AK8: variants seen among roughly 807,000 people sequenced by gnomAD.
The protein encoded by AK8 is adenylate kinase 8, also known as ATP-AMP transphosphorylase 8.
AK8 carries 44 observed loss-of-function variants against 54.6 expected under a neutral mutation model. That is an observed-to-expected ratio of 0.81 (90% confidence interval 0.63 to 1.04). The LOEUF is 1.04. Among genes scored for constraint, AK8 ranks in the 50% least tolerant of loss-of-function variants. AK8 has a pLI of 0.00. For missense variants in AK8, 555 were observed against 613.6 expected (o/e 0.90, Z 1.01); for synonymous variants, 239 against 245.6 (o/e 0.97, Z 0.25).
At chr9:132,738,156 T>A (rs1837205283) in intron 11 of AK8, among the ~76,000 whole-genome samples, 1 of 151,822 alleles carries the variant, frequency 6.6e-6, no homozygotes, top group South Asian at 2.1e-4. Context: ...CGGGTTCAAG[T>A]GATTCTCCTG....
At position 132,831,582 on chromosome 9, in the gene AK8, C is replaced by T. The variant is rs937518903; in HGVS notation, c.403-2856G>A. 6.6e-5 allele frequency among the ~76,000 whole-genome samples: 10 copies of T among 152,158 alleles called. No homozygotes were observed. In the East Asian group the frequency reaches 7.7e-4, roughly 12 times the overall value. ...GCGGGGTCAGGCAACTGGGAGTCAA[C>T]GCTGGGAGCCCCCGCTTGCTGTAGA... On this transcript the variant is annotated intron_variant, in intron 5 of 12. Coordinates refer to ENST00000298545, the MANE Select transcript of AK8 (RefSeq NM_152572.3).
chr9:132,755,298 G>T (rs1250842148), intron 11 of AK8, among the ~76,000 whole-genome samples: 1 of 152,180 alleles, frequency 6.6e-6, no homozygotes, highest in Non-Finnish European at 1.5e-5. Flanking sequence ...TATCTCCCAG[G>T]TGCCAGGTGC....
In AK8 at chr9:132,796,724, A is replaced by T. The variant is rs1056053039; in HGVS notation, c.980-3949T>A. Among the ~76,000 whole-genome samples the T allele has an allele frequency of 1.3e-5, 2 of 152,206 alleles. 1 individual carries two copies. Among genetic ancestry groups the T allele is most frequent in the South Asian group, 4.1e-4 (2 of 4,824 alleles). ...CTTGTATACATGGTCTAATTTAAAC[A>T]TATATTCATATGTGACTATATTAAT... On this transcript the variant is annotated intron_variant, in intron 10 of 12. Transcript: ENST00000298545.
chr9:132,783,775 G>A (rs1839576432), intron 11 of AK8, among the ~76,000 whole-genome samples: 1 of 151,546 alleles, frequency 6.6e-6, no homozygotes. Context: ...ACAAAATGAA[G>A]GAAAAATGCC....
chr9:132,752,395 G>A (rs763919153), intron 11 of AK8, among the ~76,000 whole-genome samples: 3 of 151,650 alleles, frequency 2.0e-5, no homozygotes, highest in Non-Finnish European at 2.9e-5. Flanking sequence ...GACTATAGGC[G>A]CCCGCCACCA....
intron 5 of AK8, among the ~76,000 whole-genome samples, chr9:132,834,659 A>T (rs1392342549): frequency 6.6e-6 from 1 of 152,146 alleles, no homozygotes. Context: ...CCTAACAGTG[A>T]TTATGCTCTT....
intron 11 of AK8, among the ~76,000 whole-genome samples, chr9:132,745,431 C>T (rs915184014): frequency 1.4e-4 from 21 of 152,200 alleles, no homozygotes; most frequent in East Asian, 3.9e-4. Context: ...GCGTCCGTGT[C>T]GCGGCTGTAA....
At chr9:132,805,355 C>T (rs896885474) in intron 10 of AK8, among the ~76,000 whole-genome samples, 2 of 152,354 alleles carry the variant, frequency 1.3e-5, no homozygotes, top group Middle Eastern at 3.4e-3. Flanking sequence ...GAAAATCTGG[C>T]TGTGCCCCTA....
In AK8 at chr9:132,826,245, A is replaced by C. The variant is rs928627555; in HGVS notation, c.757+609T>G. Among the ~76,000 whole-genome samples the C allele has an allele frequency of 1.1e-4, 17 of 152,326 alleles. No homozygotes were observed. Among genetic ancestry groups the C allele is most frequent in the East Asian group, 3.9e-4 (2 of 5,176 alleles). On this transcript the variant is annotated intron_variant, in intron 8 of 12. Coordinates refer to ENST00000298545, the MANE Select transcript of AK8 (RefSeq NM_152572.3). This position sits in a 1 kb window ranked among gnomAD's most constrained non-coding sequence, Gnocchi z 4.5. ...TTAGGAGAAGTGCCAGAGGCTGCAC[A>C]GCTGGGCTGCGTCGGGGCTGAGATT... is the stretch of plus-strand genomic sequence containing the variant.
At chr9:132,751,494 G>A (rs947787917) in intron 11 of AK8, among the ~76,000 whole-genome samples, 6 of 149,632 alleles carry the variant, frequency 4.0e-5, no homozygotes, top group Admixed American at 6.7e-5. Context: ...GCAGTGAGCC[G>A]AGATCATGCC....
chr9:132,734,579 T>G (rs1200879600), intron 11 of AK8, among the ~76,000 whole-genome samples: 1 of 151,564 alleles, frequency 6.6e-6, no homozygotes, highest in African/African-American at 2.4e-5. Flanking sequence ...CTACAAAAAG[T>G]TTTTAAAAAT....
intron 5 of AK8, among the ~76,000 whole-genome samples, chr9:132,854,585 G>A (rs998529403): frequency 3.3e-5 from 5 of 152,354 alleles, no homozygotes; most frequent in South Asian, 2.1e-4. Context: ...ATGCTTCTGC[G>A]ATTGTCCTGT....
At chr9:132,752,525 A>G (rs557355982) in intron 11 of AK8, among the ~76,000 whole-genome samples, 30 of 152,320 alleles carry the variant, frequency 2.0e-4, no homozygotes, top group African/African-American at 7.0e-4. Context: ...CTGGGATTAC[A>G]GGCGTGAGCC....
chr9:132,734,779 C>T (rs1006148781), intron 11 of AK8, among the ~76,000 whole-genome samples: 2 of 151,958 alleles, frequency 1.3e-5, no homozygotes, highest in African/African-American at 4.8e-5. Context: ...CCTGTAATCC[C>T]AATAGTTTGG....
intron 11 of AK8, among the ~76,000 whole-genome samples, chr9:132,779,795 C>G (rs967924445): frequency 3.9e-5 from 6 of 152,168 alleles, no homozygotes; most frequent in African/African-American, 1.4e-4. Flanking sequence ...AAATGCAATC[C>G]CATTGCATAA....
chr9:132,854,801 C>T, intron 5 of AK8, 56 bp downstream of exon 5: 1 of 1,583,738 alleles, frequency 6.3e-7, no homozygotes, highest in Non-Finnish European at 8.7e-7. Context: ...TGAACACACG[C>T]CCTTCACCCT....
intron 11 of AK8, among the ~76,000 whole-genome samples, chr9:132,776,618 G>A (rs547091254): frequency 6.6e-6 from 1 of 152,238 alleles, no homozygotes; most frequent in African/African-American, 2.4e-5. Context: ...GGGCCGCCAC[G>A]CTGCAGGATG....
chr9:132,783,212 T>C (rs780101382), intron 11 of AK8, among the ~76,000 whole-genome samples: 12 of 152,096 alleles, frequency 7.9e-5, no homozygotes, highest in Non-Finnish European at 1.5e-4. Flanking sequence ...AGAGGAAGGA[T>C]GGGAGTTGCA....
At chr9:132,841,432 T>C (rs1182965602) in intron 5 of AK8, among the ~76,000 whole-genome samples, 1 of 152,206 alleles carries the variant, frequency 6.6e-6, no homozygotes, top group African/African-American at 2.4e-5. Context: ...GGCGTGGGGG[T>C]AGCATCCATA....
Sources: allele counts gnomAD v4.1 joint callset (sites outside exome capture counted in the v4.1 genomes callset), GRCh38; gene constraint gnomAD v4.1.1; non-coding constraint Gnocchi (gnomAD v3.1); transcripts MANE v1.5; gene names NCBI Gene and HGNC (gene_info 2026-07-23, HGNC 2026-07-21).